ULK4: variants seen among roughly 807,000 people sequenced by gnomAD.
ULK4 encodes inactive serine/threonine-protein kinase ULK4.
Under a neutral mutation model 160.6 loss-of-function variants are expected in ULK4, and 133 were observed. The ratio of observed to expected loss-of-function variants is 0.83; its 90% CI spans 0.72 to 0.96. ULK4 has a LOEUF of 0.96. Among genes scored for constraint, ULK4 ranks in the 40% least tolerant of loss-of-function variants. The probability of loss-of-function intolerance (pLI) is 0.00; values close to 1 mark genes in which losing one functional copy is unlikely to be tolerated. For missense variants in ULK4, 1,580 were observed against 1,499.5 expected (o/e 1.05, Z -0.89); for synonymous variants, 534 against 539.8 (o/e 0.99, Z 0.15).
rs76827998 is a variant in ULK4, at chr3:41,395,300, C to A, written c.3678+2779G>T. ...GCCGTGGATTGTAACTCACTGAAAA[C>A]TTCATGAGCCAATCCTAATAATAAC... On this transcript the variant is annotated intron_variant, in intron 35 of 36. Coordinates refer to ENST00000301831, the MANE Select transcript of ULK4 (RefSeq NM_017886.4). 7.0e-3 allele frequency among the ~76,000 whole-genome samples: 1,055 copies of A among 151,092 alleles called. 4 individuals are homozygous for A. Among genetic ancestry groups the A allele is most frequent in the African/African-American group, 0.016 (652 of 41,248 alleles).
At chr3:41,796,614 G>C (rs2040307503) in intron 20 of ULK4, among the ~76,000 whole-genome samples, 1 of 151,906 alleles carries the variant, frequency 6.6e-6, no homozygotes, top group Non-Finnish European at 1.5e-5. Context: ...AAGAAAGAAA[G>C]AGGGAAGACT....
intron 34 of ULK4, among the ~76,000 whole-genome samples, chr3:41,429,708 G>A (rs1468953369): frequency 1.3e-5 from 2 of 151,870 alleles, no homozygotes; most frequent in Non-Finnish European, 2.9e-5. Context: ...ATGGACAATG[G>A]GAGAGGAACA....
chr3:41,599,196 G>C (rs1045534632), intron 31 of ULK4, among the ~76,000 whole-genome samples: 1 of 152,172 alleles, frequency 6.6e-6, no homozygotes, highest in Admixed American at 6.5e-5. Context: ...TTAGGATGAG[G>C]ATAATTAATA....
intron 35 of ULK4, chr3:41,278,156 C>T (rs2079265128): frequency 2.0e-5 from 3 of 152,328 alleles, no homozygotes; most frequent in African/African-American, 7.2e-5. Context: ...GTGCCTGGCT[C>T]GGTAGGTCCC....
chr3:41,599,575 T>G (rs1471810983), intron 31 of ULK4, among the ~76,000 whole-genome samples: 1 of 150,448 alleles, frequency 6.6e-6, no homozygotes, highest in Non-Finnish European at 1.5e-5. Context: ...CTTTTTTTTT[T>G]TTTTTTTGAG....
At chr3:41,352,354 C>T (rs1199653860) in intron 35 of ULK4, among the ~76,000 whole-genome samples, 1 of 152,212 alleles carries the variant, frequency 6.6e-6, no homozygotes, top group Non-Finnish European at 1.5e-5. Context: ...CCTCCTTTAT[C>T]TTTAAGGCAC....
intron 35 of ULK4, among the ~76,000 whole-genome samples, chr3:41,265,552 C>T (rs1032832485): frequency 1.3e-5 from 2 of 152,134 alleles, no homozygotes; most frequent in South Asian, 2.1e-4. Context: ...TTATTAAAGC[C>T]GTCAGGCACC....
intron 30 of ULK4, among the ~76,000 whole-genome samples, chr3:41,616,948 G>A (rs1245566382): frequency 1.3e-5 from 2 of 152,174 alleles, no homozygotes; most frequent in Admixed American, 6.5e-5. Flanking sequence ...GCATGGTAGC[G>A]GAGGGGAATC....
chr3:41,370,076 C>T (rs1443488343), intron 35 of ULK4, among the ~76,000 whole-genome samples: 2 of 151,898 alleles, frequency 1.3e-5, no homozygotes, highest in East Asian at 3.9e-4. Context: ...TTAAAGGGCC[C>T]GGTATCTGTG....
intron 36 of ULK4, among the ~76,000 whole-genome samples, chr3:41,247,841 C>T (rs558168172): frequency 6.6e-6 from 1 of 152,362 alleles, no homozygotes; most frequent in South Asian, 2.1e-4. Flanking sequence ...GGCAGAGCAG[C>T]ATCGGAACTG....
At chr3:41,330,038 G>A (rs898300480) in intron 35 of ULK4, among the ~76,000 whole-genome samples, 3 of 152,080 alleles carry the variant, frequency 2.0e-5, no homozygotes, top group African/African-American at 7.2e-5. Context: ...AGTTAAACTT[G>A]TTTCTCCCCT....
intron 5 of ULK4, 28 bp from the exon 6 acceptor site, chr3:41,919,846 G>A (rs758777543): frequency 7.8e-6 from 12 of 1,542,534 alleles, no homozygotes; most frequent in East Asian, 4.5e-5. Context: ...AGAACAGCTC[G>A]GTTAGGCATT....
intron 19 of ULK4, among the ~76,000 whole-genome samples, chr3:41,805,223 G>A (rs2040603914): frequency 6.6e-6 from 1 of 152,128 alleles, no homozygotes; most frequent in Non-Finnish European, 1.5e-5. Flanking sequence ...GGATTCCTAG[G>A]TATTTTATTC....
chr3:41,871,397 G>A (rs1048893114), intron 17 of ULK4, among the ~76,000 whole-genome samples: 4 of 152,146 alleles, frequency 2.6e-5, no homozygotes, highest in Non-Finnish European at 5.9e-5. Flanking sequence ...ATGTAATATG[G>A]AGTTAAAATA....
At chr3:41,754,174 A>G (rs905463023) in intron 22 of ULK4, among the ~76,000 whole-genome samples, 187 bp downstream of exon 22, 2 of 152,152 alleles carry the variant, frequency 1.3e-5, no homozygotes, top group Non-Finnish European at 2.9e-5. Context: ...TCACTCTGCT[A>G]TAGTTTCAGA....
At chr3:41,806,607 C>A (rs934954115) in intron 19 of ULK4, among the ~76,000 whole-genome samples, 1 of 151,944 alleles carries the variant, frequency 6.6e-6, no homozygotes, top group Non-Finnish European at 1.5e-5. Context: ...TTCCTGCTTT[C>A]TCTTGTGGGC....
chr3:41,836,066 C>A, intron 17 of ULK4, 95 bp from the exon 18 acceptor site: 1 of 766,412 alleles, frequency 1.3e-6, no homozygotes. Flanking sequence ...GTAAAAGTCA[C>A]CATTTTTAAG....
intron 19 of ULK4, among the ~76,000 whole-genome samples, chr3:41,803,657 C>A (rs1018274555): frequency 6.6e-6 from 1 of 152,054 alleles, no homozygotes; most frequent in Non-Finnish European, 1.5e-5. Flanking sequence ...CACAACAGTC[C>A]CCAGAGAGTG....
chr3:41,620,598 T>C (rs567179150), intron 30 of ULK4, among the ~76,000 whole-genome samples: 1 of 152,282 alleles, frequency 6.6e-6, no homozygotes, highest in East Asian at 1.9e-4. Flanking sequence ...ATAAACTAGG[T>C]ATTGATGGAA....
Sources: gnomAD v4.1 joint callset for allele counts (sites outside exome capture counted in the v4.1 genomes callset) on GRCh38, gnomAD v4.1.1 for gene constraint, MANE v1.5 for transcripts, NCBI Gene and HGNC (gene_info 2026-07-23, HGNC 2026-07-21) for gene names.